UQCC3: variants seen among roughly 807,000 people sequenced by gnomAD.
The protein encoded by UQCC3 is ubiquinol-cytochrome c reductase complex assembly factor 3.
A neutral mutation model predicts 3.4 loss-of-function variants in UQCC3; 3 were observed. That is an observed-to-expected ratio of 0.88 (90% confidence interval 0.40 to 2.26). The LOEUF is 2.26. UQCC3 is among the 30% of genes most tolerant of loss of function. The pLI, the probability that UQCC3 is intolerant of heterozygous loss-of-function variation, is 0.05. For synonymous variants in UQCC3, 57 were observed against 57.1 expected (o/e 1.00, Z 0.00); for missense variants, 141 against 123.0 (o/e 1.15, Z -0.69).
At position 62,673,233 on chromosome 11, in the gene UQCC3, C is replaced by T. The variant is rs997425085; in HGVS notation, c.*1119C>T. On this transcript the variant is annotated 3_prime_UTR_variant, in exon 2 of 2. Coordinates refer to ENST00000377953, the MANE Select transcript of UQCC3 (RefSeq NM_001085372.3). ...AAGTAATGGATGCCTATAGTGGACA[C>T]TCAGGACTCCTGTCCTTGGAGCGAG... is the stretch of plus-strand genomic sequence containing the variant. 5 of 152,200 alleles carry T rather than the reference C, an allele frequency of 3.3e-5. No individual in the cohort carries two copies. The highest frequency in any genetic ancestry group is 9.6e-5 in the African/African-American group (4 of 41,460). 9.4% of individuals were successfully genotyped at this position (152,200 alleles called of 1,614,324 possible).
chr11:62,672,091 G>A lies in UQCC3; in HGVS notation c.259G>A (p.Gly87Ser). The A allele has an allele frequency of 1.3e-6, 2 of 1,591,896 alleles. No individual in the cohort carries two copies. The highest frequency in any genetic ancestry group is 2.3e-5 in the East Asian group (1 of 44,040). Residue 87 changes from glycine to serine, a missense_variant, in exon 2 of 2, where the codon GGC becomes AGC. Coordinates refer to ENST00000377953, the MANE Select transcript of UQCC3 (RefSeq NM_001085372.3). ...GAACTGGATGGTTGGCGGCGAAGGC[G>A]GCGCCGGCGGGAGGTCACCGTGAGA... ...RKNWMVGGEGGAGGRSP is the reference protein window; with the variant it reads ...RKNWMVGGEGSAGGRSP
At position 62,672,576 on chromosome 11, in the gene UQCC3, C is replaced by T. The variant is rs1944962816; in HGVS notation, c.*462C>T. ...CTGGAGTGCAGTGGCACGATCTCGGCTCACTGCAACCTCCGCCCCTGGGTT... is the reference window on the plus strand; with the variant it reads ...CTGGAGTGCAGTGGCACGATCTCGGTTCACTGCAACCTCCGCCCCTGGGTT... On this transcript the variant is annotated 3_prime_UTR_variant, in exon 2 of 2. Coordinates refer to ENST00000377953, the MANE Select transcript of UQCC3 (RefSeq NM_001085372.3). The T allele has an allele frequency of 1.3e-5, 2 of 157,442 alleles. No individual in the cohort carries two copies. Among genetic ancestry groups the T allele is most frequent in the Admixed American group, 1.3e-4 (2 of 15,830 alleles). The allele number at this position is 157,442 out of a possible 1,614,324, so 9.8% of individuals were successfully genotyped here. A position where few individuals can be genotyped will look rare whatever the true frequency, so the allele number is the denominator to read the frequency against.
In UQCC3 at chr11:62,671,698, C is replaced by A. The variant is rs983422818; in HGVS notation, c.-48C>A. 9 of 1,603,680 alleles carry A rather than the reference C, an allele frequency of 5.6e-6. No homozygotes were observed. The African/African-American group carries it at 9.4e-5, about 17-fold the overall frequency. Reference sequence around the variant, plus strand: ...AGTGAGACCGCGCGGCAACAGCTTGCGGCTGCGGGGAGCTCCCGTGGGCGC... The same window carrying A: ...AGTGAGACCGCGCGGCAACAGCTTGAGGCTGCGGGGAGCTCCCGTGGGCGC... On this transcript the variant is annotated 5_prime_UTR_variant, in exon 1 of 2. Transcript: ENST00000377953.
In UQCC3 at chr11:62,672,310, G is replaced by T; in HGVS notation, c.*196G>T. The T allele has an allele frequency of 1.6e-6, 1 of 621,810 alleles. No individual in the cohort carries two copies. Among genetic ancestry groups the T allele is most frequent in the Non-Finnish European group, 2.8e-6 (1 of 358,382 alleles). 38.5% of individuals were successfully genotyped at this position (621,810 alleles called of 1,614,324 possible). A position where few individuals can be genotyped will look rare whatever the true frequency, so the allele number is the denominator to read the frequency against. The stretch of plus-strand genomic sequence containing the variant: ...GACTGCTTTAAGGTCCGCAAGGCGG[G>T]CCAGGGCCGAGACGCGAGTCGGATG... On this transcript the variant is annotated 3_prime_UTR_variant, in exon 2 of 2. Coordinates refer to ENST00000377953, the MANE Select transcript of UQCC3 (RefSeq NM_001085372.3).
Position 62,671,865 on chromosome 11 carries a change from G to A in UQCC3, c.120G>A (p.Lys40=). Residue 40 remains lysine (K), a splice_region_variant and synonymous_variant, in exon 1 of 2, where the codon AAG becomes AAA. Coordinates refer to ENST00000377953, the MANE Select transcript of UQCC3 (RefSeq NM_001085372.3). ...AGCGGCGGAAGCAGGAAATGCTAAAGGTAGAAGCAACTGGTAGTCCCGAGG... is the reference window on the plus strand; with the variant it reads ...AGCGGCGGAAGCAGGAAATGCTAAAAGTAGAAGCAACTGGTAGTCCCGAGG... ...PGERRKQEML[K]EMPLQDPRSR... The A allele has an allele frequency of 6.2e-7, 1 of 1,614,086 alleles. No homozygotes were observed. Among genetic ancestry groups the A allele is most frequent in the South Asian group, 1.1e-5 (1 of 91,088 alleles).
chr11:62,672,422 G>A lies in UQCC3; in HGVS notation c.*308G>A. On this transcript the variant is annotated 3_prime_UTR_variant, in exon 2 of 2. Coordinates refer to ENST00000377953, the MANE Select transcript of UQCC3 (RefSeq NM_001085372.3). Reference sequence around the variant, plus strand: ...CACCTACCAATGCTTAGAGACGCGTGGTCGGTGCTGGGGGCGCGGCCTGGA... The same window carrying A: ...CACCTACCAATGCTTAGAGACGCGTAGTCGGTGCTGGGGGCGCGGCCTGGA... 1 of 419,866 alleles carries A rather than the reference G, an allele frequency of 2.4e-6. No individual in the cohort carries two copies. Among genetic ancestry groups the A allele is most frequent in the Non-Finnish European group, 4.4e-6 (1 of 229,190 alleles). 26.0% of individuals were successfully genotyped at this position (419,866 alleles called of 1,614,324 possible).
At chr11:62,671,903 G>A in intron 1 of UQCC3, 38 bp downstream of exon 1, 2 of 1,613,434 alleles carry the variant, frequency 1.2e-6, no homozygotes, top group Non-Finnish European at 8.5e-7. Context: ...GGGTGGGCGG[G>A]TGGAGAGCCC....
Position 62,672,296 on chromosome 11 carries a change from G to GGTCC in UQCC3, c.*184_*187dup, listed in dbSNP as rs1944959349. 1.5e-6 allele frequency: 1 copy of GGTCC among 662,366 alleles called. No individual in the cohort carries two copies. The highest frequency in any genetic ancestry group is 2.9e-5 in the Admixed American group (1 of 33,968). 41.0% of individuals were successfully genotyped at this position (662,366 alleles called of 1,614,324 possible). A position where few individuals can be genotyped will look rare whatever the true frequency, so the allele number is the denominator to read the frequency against. On this transcript the variant is annotated 3_prime_UTR_variant, in exon 2 of 2. Coordinates refer to ENST00000377953, the MANE Select transcript of UQCC3 (RefSeq NM_001085372.3). ...CCAAACCCTGGACTGACTGCTTTAA[G>GGTCC]GTCCGCAAGGCGGGCCAGGGCCGAG...
rs201036644 is a variant in UQCC3 at position 62,671,717 on chromosome 11, T to C, written c.-29T>C. The C allele has an allele frequency of 3.8e-5, 62 of 1,610,594 alleles. 1 individual carries two copies. In the Admixed American group the frequency reaches 8.2e-4, roughly 21 times the overall value. ...AGCTTGCGGCTGCGGGGAGCTCCCGTGGGCGCTCCGCTGGCTGTGCAGGCG... is the reference window on the plus strand; with the variant it reads ...AGCTTGCGGCTGCGGGGAGCTCCCGCGGGCGCTCCGCTGGCTGTGCAGGCG... On this transcript the variant is annotated 5_prime_UTR_variant, in exon 1 of 2. Coordinates refer to ENST00000377953, the MANE Select transcript of UQCC3 (RefSeq NM_001085372.3).
Position 62,672,035 on chromosome 11 carries a change from C to G in UQCC3, c.203C>G (p.Ala68Gly). 1 of 1,612,548 alleles carries G rather than the reference C, an allele frequency of 6.2e-7. No homozygotes were observed. Among genetic ancestry groups the G allele is most frequent in the Non-Finnish European group, 8.5e-7 (1 of 1,179,520 alleles). The part of the protein sequence containing the change: ...QLLLATLQEA[A>G]TTQENVAWRK... ...TTGCTGGCCACTCTGCAGGAGGCAG[C>G]GACCACGCAGGAGAACGTGGCCTGG... is the stretch of plus-strand genomic sequence containing the variant. Residue 68 changes from alanine to glycine, a missense_variant, in exon 2 of 2, where the codon GCG becomes GGG. Ala to Gly is a moderately conservative substitution (Grantham distance 60). Transcript: ENST00000377953.
rs1750370986 is a variant in UQCC3, at chr11:62,671,850, G to A, written c.105G>A (p.Lys35=). 1 of 1,614,142 alleles carries A rather than the reference G, an allele frequency of 6.2e-7. No homozygotes were observed. The highest frequency in any genetic ancestry group is 8.5e-7 in the Non-Finnish European group (1 of 1,180,026). The stretch of plus-strand genomic sequence containing the variant: ...TCGTGACCCCGGGAGAGCGGCGGAA[G>A]CAGGAAATGCTAAAGGTAGAAGCAA... ...LVIVTPGERR[K]QEMLKEMPLQ... is the part of the protein sequence containing the mutation. Residue 35 remains lysine, a synonymous_variant, in exon 1 of 2, where the codon AAG becomes AAA. Coordinates refer to ENST00000377953, the MANE Select transcript of UQCC3 (RefSeq NM_001085372.3).
rs769355226 is a variant in UQCC3, at chr11:62,671,762, A to G, written c.17A>G (p.Lys6Arg). Residue 6 changes from lysine to arginine, a missense_variant, in exon 1 of 2, where the codon AAA becomes AGA. Physicochemically the swap from Lys to Arg is conservative, Grantham distance 26. Coordinates refer to ENST00000377953, the MANE Select transcript of UQCC3 (RefSeq NM_001085372.3). Reference sequence around the variant, plus strand: ...CAGGCGGCCATGGATTCCTTGCGGAAAATGCTGATCTCAGTCGCAATGCTG... The same window carrying G: ...CAGGCGGCCATGGATTCCTTGCGGAGAATGCTGATCTCAGTCGCAATGCTG... MDSLR[K>R]MLISVAMLGA... 3 of 1,613,752 alleles carry G rather than the reference A, an allele frequency of 1.9e-6. No homozygotes were observed. The East Asian group carries it at 6.7e-5, about 36-fold the overall frequency.
In UQCC3 at chr11:62,672,023, T is replaced by C. The variant is rs758729192; in HGVS notation, c.191T>C (p.Leu64Pro). 4.3e-6 allele frequency: 7 copies of C among 1,613,300 alleles called. No homozygotes were observed. The East Asian group carries it at 1.6e-4, about 36-fold the overall frequency. ...ARTQQLLLAT[L>P]QEAATTQENV... ...ACCCAGCAGCTATTGCTGGCCACTC[T>C]GCAGGAGGCAGCGACCACGCAGGAG... The change falls in exon 2 of 2, where the codon CTG (leucine) becomes CCG (proline). Residue 64 changes from leucine (L) to proline (P), a missense_variant. Leu to Pro is a moderately conservative substitution (Grantham distance 98, BLOSUM62 -3). Coordinates refer to ENST00000377953, the MANE Select transcript of UQCC3 (RefSeq NM_001085372.3).
Position 62,672,364 on chromosome 11 carries a change from T to C in UQCC3, c.*250T>C. ...TGAACTGAAAGAACCAATAAAATCA[T>C]GTTCCTCCACCCAGAATGAGCCCTG... On this transcript the variant is annotated 3_prime_UTR_variant, in exon 2 of 2. Transcript: ENST00000377953. 1.8e-6 allele frequency: 1 copy of C among 551,780 alleles called. No individual in the cohort carries two copies. The highest frequency in any genetic ancestry group is 3.3e-6 in the Non-Finnish European group (1 of 307,254). The allele number at this position is 551,780 out of a possible 1,614,324, so 34.2% of individuals were successfully genotyped here.
rs1448155556 is a variant in UQCC3 at position 62,671,744 on chromosome 11, C to T, written c.-2C>T. The T allele has an allele frequency of 1.9e-6, 3 of 1,613,344 alleles. No homozygotes were observed. The highest frequency in any genetic ancestry group is 1.3e-5 in the African/African-American group (1 of 75,056). On this transcript the variant is annotated 5_prime_UTR_variant, in exon 1 of 2. Transcript: ENST00000377953. Reference sequence around the variant, plus strand: ...GGCGCTCCGCTGGCTGTGCAGGCGGCCATGGATTCCTTGCGGAAAATGCTG... The same window carrying T: ...GGCGCTCCGCTGGCTGTGCAGGCGGTCATGGATTCCTTGCGGAAAATGCTG...
Position 62,671,942 on chromosome 11 carries a change from C to G in UQCC3, c.121-11C>G. ...ACTGGAGCTCCTGCGAACTCCCCTT[C>G]CTGCCCTCAGGAGATGCCACTGCAG... On this transcript the variant is annotated splice_polypyrimidine_tract_variant and intron_variant, in intron 1 of 1. Transcript: ENST00000377953. 6.2e-7 allele frequency: 1 copy of G among 1,613,812 alleles called. No individual in the cohort carries two copies. The highest frequency in any genetic ancestry group is 8.5e-7 in the Non-Finnish European group (1 of 1,179,856).
chr11:62,671,915 G>C (rs756206154), intron 1 of UQCC3, 38 bp from the exon 2 acceptor site: 20 of 1,613,090 alleles, frequency 1.2e-5, no homozygotes, highest in Non-Finnish European at 1.6e-5. Context: ...GGAGAGCCCC[G>C]GACTGGAGCT....
rs747146070 is a variant in UQCC3, at chr11:62,671,741, C to T, written c.-5C>T. On this transcript the variant is annotated 5_prime_UTR_variant, in exon 1 of 2. Transcript: ENST00000377953. ...GTGGGCGCTCCGCTGGCTGTGCAGG[C>T]GGCCATGGATTCCTTGCGGAAAATG... The T allele has an allele frequency of 1.9e-6, 3 of 1,612,900 alleles. No homozygotes were observed. The highest frequency in any genetic ancestry group is 1.6e-4 in the Middle Eastern group (1 of 6,080).
In UQCC3 at chr11:62,672,119, G is replaced by T. The variant is rs771786748; in HGVS notation, c.*5G>T. 2 of 1,567,770 alleles carry T rather than the reference G, an allele frequency of 1.3e-6. No homozygotes were observed. Among genetic ancestry groups the T allele is most frequent in the South Asian group, 1.2e-5 (1 of 86,354 alleles). ...GCCGGCGGGAGGTCACCGTGAGACC[G>T]GACTTGCCTCCGTGGGCGCCGGACC... is the stretch of plus-strand genomic sequence containing the variant. On this transcript the variant is annotated 3_prime_UTR_variant, in exon 2 of 2. Transcript: ENST00000377953.
Sources: allele counts gnomAD v4.1 joint callset, GRCh38; gene constraint gnomAD v4.1.1; transcripts MANE v1.5; gene names NCBI Gene and HGNC (gene_info 2026-07-23, HGNC 2026-07-21).